The following USP20 variants were observed in gnomAD, a reference collection of about 807,000 sequenced individuals.
The protein encoded by USP20 is ubiquitin specific peptidase 20.
USP20 carries 80 observed loss-of-function variants against 124.2 expected under a neutral mutation model. The observed-to-expected ratio is 0.64, with a 90% CI of 0.54 to 0.78. The LOEUF is 0.78. Ranked by LOEUF, USP20 falls within the 30% of genes least tolerant of loss-of-function variation. The pLI, the probability that USP20 is intolerant of heterozygous loss-of-function variation, is 0.00. For missense variants in USP20, 1,043 were observed against 1,244.4 expected, an observed-to-expected ratio of 0.84 and a Z score of 2.44; for synonymous variants, 481 against 512.3, an observed-to-expected ratio of 0.94 and a Z score of 0.83.
In USP20 at chr9:129,868,297, A is replaced by C; in HGVS notation, c.983A>C (p.Lys328Thr). Residue 328 changes from lysine to threonine, a missense_variant, in exon 11 of 26, where the codon AAG (lysine) becomes ACG (threonine). Physicochemically the swap from Lys to Thr is moderately conservative, Grantham distance 78. Coordinates refer to ENST00000372429, the MANE Select transcript of USP20 (RefSeq NM_001110303.4). ...GRAISEKERMKDRKFSWGQQR... is the reference protein window; with the variant it reads ...GRAISEKERMTDRKFSWGQQR... ...GCCATCTCTGAGAAGGAGCGGATGA[A>C]GGACCGCAAGTTCTCCTGGGGCCAG... 1 of 1,613,962 alleles carries C rather than the reference A, an allele frequency of 6.2e-7. No individual in the cohort carries two copies. The highest frequency in any genetic ancestry group is 8.5e-7 in the Non-Finnish European group (1 of 1,179,958).
intron 3 of USP20, among the ~76,000 whole-genome samples, chr9:129,853,162 C>T (rs988942053): frequency 5.3e-5 from 8 of 152,064 alleles, no homozygotes; most frequent in South Asian, 2.1e-4. Flanking sequence ...AGCCCACCCC[C>T]GGGTAAGCAC....
rs757690020 is a variant in USP20, at chr9:129,879,690, G to T, written c.2584+46G>T. 9 of 1,605,836 alleles carry T rather than the reference G, an allele frequency of 5.6e-6. No individual in the cohort carries two copies. The East Asian group carries it at 2.0e-4, about 36-fold the overall frequency. ...GCCAGGCTCCTCTCTGCCCTTCCTG[G>T]CTGCCAGGCTGCTGCCCAGTCCCGT... On this transcript the variant is annotated intron_variant, in intron 24 of 25. Coordinates refer to ENST00000372429, the MANE Select transcript of USP20 (RefSeq NM_001110303.4). This position sits in a 1 kb window ranked among gnomAD's most constrained non-coding sequence, Gnocchi z 4.2.
At chr9:129,846,545 G>A (rs747415336) in intron 1 of USP20, among the ~76,000 whole-genome samples, 6 of 148,744 alleles carry the variant, frequency 4.0e-5, no homozygotes, top group Admixed American at 1.3e-4. Context: ...GGCATGAGCC[G>A]CCCAACATGG....
At chr9:129,849,017 G>T (rs1468553490) in intron 1 of USP20, among the ~76,000 whole-genome samples, 2 of 152,228 alleles carry the variant, frequency 1.3e-5, no homozygotes, top group Non-Finnish European at 2.9e-5. Context: ...TGTGCCTGCA[G>T]CCTGGGCCTG....
intron 1 of USP20, among the ~76,000 whole-genome samples, chr9:129,837,015 A>T (rs1588231402): frequency 6.6e-6 from 1 of 152,212 alleles, no homozygotes; most frequent in East Asian, 1.9e-4. Flanking sequence ...CCTCCTCCTC[A>T]GCTGAAGTCC....
intron 1 of USP20, among the ~76,000 whole-genome samples, chr9:129,849,524 C>T (rs2032780420): frequency 6.6e-6 from 1 of 152,178 alleles, no homozygotes; most frequent in Admixed American, 6.5e-5. Flanking sequence ...TTTGGAAGGC[C>T]TGAGGTGGGA....
intron 1 of USP20, among the ~76,000 whole-genome samples, chr9:129,846,242 TA>T (rs1267826213): frequency 1.9e-3 from 67 of 35,514 alleles, no homozygotes; most frequent in East Asian, 0.012. Context: ...TATATATATA[TA>T]TATATTTTTT....
In USP20 at chr9:129,861,020, C is replaced by A; in HGVS notation, c.414C>A (p.Asp138Glu). The change falls in exon 7 of 26, where the codon GAC (aspartate) becomes GAA (glutamate). Residue 138 changes from aspartate (D) to glutamate (E), a missense_variant. Transcript: ENST00000372429. Reference sequence around the variant, plus strand: ...GAGAGTCTGAGTCAGAGGACGATGACCTGAAACCTCGAGGTAATGGCCCCC... The same window carrying A: ...GAGAGTCTGAGTCAGAGGACGATGAACTGAAACCTCGAGGTAATGGCCCCC... ...DEGESESEDDDLKPRGLTGMK... is the reference protein window; with the variant it reads ...DEGESESEDDELKPRGLTGMK... 6.2e-7 allele frequency: 1 copy of A among 1,612,444 alleles called. No homozygotes were observed. The highest frequency in any genetic ancestry group is 8.5e-7 in the Non-Finnish European group (1 of 1,178,898).
intron 3 of USP20, among the ~76,000 whole-genome samples, chr9:129,854,334 C>G (rs1376676613): frequency 6.6e-6 from 1 of 152,182 alleles, no homozygotes; most frequent in African/African-American, 2.4e-5. Context: ...AAGGGAAAAA[C>G]TGGTGGCACC....
At chr9:129,866,904 C>G (rs570764064) in intron 10 of USP20, among the ~76,000 whole-genome samples, 4 of 152,324 alleles carry the variant, frequency 2.6e-5, no homozygotes, top group Admixed American at 2.6e-4. Flanking sequence ...CTCCCTGATG[C>G]AATGTAACCT....
At chr9:129,877,437 C>T (rs116876578) in intron 22 of USP20, among the ~76,000 whole-genome samples, 1,954 of 152,322 alleles carry the variant, frequency 0.013, 19 homozygotes, top group Middle Eastern at 0.027. Context: ...TTGGGAGGAT[C>T]ACCTAAGCCT....
At chr9:129,841,460 A>C (rs1164928157) in intron 1 of USP20, among the ~76,000 whole-genome samples, 6 of 152,366 alleles carry the variant, frequency 3.9e-5, no homozygotes, top group African/African-American at 1.2e-4. Flanking sequence ...TGGGGGAGAG[A>C]GAACAATTCA....
At chr9:129,849,219 G>A (rs2032761962) in intron 1 of USP20, among the ~76,000 whole-genome samples, 1 of 152,172 alleles carries the variant, frequency 6.6e-6, no homozygotes, top group Admixed American at 6.5e-5. Flanking sequence ...TTCCTCCTGG[G>A]GAGCACCAAG....
At chr9:129,837,502 T>C (rs547445207) in intron 1 of USP20, among the ~76,000 whole-genome samples, 1 of 152,234 alleles carries the variant, frequency 6.6e-6, no homozygotes, top group Admixed American at 6.5e-5. Context: ...TAAATGTATT[T>C]ATTGGATCAA....
chr9:129,862,281 C>T (rs1432930121), intron 8 of USP20, among the ~76,000 whole-genome samples: 1 of 152,168 alleles, frequency 6.6e-6, no homozygotes, highest in Non-Finnish European at 1.5e-5. Context: ...AGGCTGGGCG[C>T]AGTAGCCCAC....
At chr9:129,838,614 G>C (rs897827327) in intron 1 of USP20, among the ~76,000 whole-genome samples, 15 of 152,168 alleles carry the variant, frequency 9.9e-5, no homozygotes, top group African/African-American at 3.6e-4. Context: ...TAAACTCTGA[G>C]ATTGCATGGG....
intron 15 of USP20, among the ~76,000 whole-genome samples, chr9:129,872,576 T>G (rs888041655): frequency 4.6e-5 from 7 of 152,342 alleles, no homozygotes; most frequent in African/African-American, 1.7e-4. Flanking sequence ...ACCTTTGGTG[T>G]TGTGTTTCAG....
chr9:129,877,142 T>A (rs2034443142), intron 22 of USP20, among the ~76,000 whole-genome samples: 1 of 152,170 alleles, frequency 6.6e-6, no homozygotes, highest in Non-Finnish European at 1.5e-5. Context: ...ACGCTACTTC[T>A]AACAGGGTTA....
chr9:129,869,578 G>T, intron 13 of USP20, 94 bp from the exon 14 acceptor site: 1 of 1,563,638 alleles, frequency 6.4e-7, no homozygotes, highest in South Asian at 1.2e-5. Context: ...TCTATGGCCT[G>T]GGGAGTAGTC....
Sources: gnomAD v4.1 joint callset for allele counts (sites outside exome capture counted in the v4.1 genomes callset) on GRCh38, gnomAD v4.1.1 for gene constraint, Gnocchi (gnomAD v3.1) non-coding constraint, MANE v1.5 for transcripts, NCBI Gene and HGNC (gene_info 2026-07-23, HGNC 2026-07-21) for gene names.